The following OR6J1 variants were observed in gnomAD, a reference collection of about 807,000 sequenced individuals.
The protein encoded by OR6J1 is olfactory receptor family 6 subfamily J member 1, also known as olfactory receptor 6J1.
For synonymous variants in OR6J1, 109 were observed against 70.0 expected (o/e 1.56, Z -2.78); for missense variants, 304 against 166.8 (o/e 1.82, Z -4.53).
intron 1 of OR6J1, among the ~76,000 whole-genome samples, chr14:22,641,784 A>T (rs1316469922): frequency 6.6e-6 from 1 of 152,206 alleles, no homozygotes; most frequent in Non-Finnish European, 1.5e-5. Flanking sequence ...AAAATCACAG[A>T]AACAGAGGAA....
At chr14:22,639,177 A>G (rs1203422236) in intron 1 of OR6J1, among the ~76,000 whole-genome samples, 8 of 99,592 alleles carry the variant, frequency 8.0e-5, no homozygotes, top group South Asian at 3.1e-4. Context: ...CAGCCACCCC[A>G]TCTGGGAAGT....
chr14:22,638,739 T>C (rs2037616501), intron 1 of OR6J1, among the ~76,000 whole-genome samples: 1 of 151,322 alleles, frequency 6.6e-6, no homozygotes, highest in South Asian at 2.1e-4. Context: ...GAAGCAAAAA[T>C]ATGACAATAA....
intron 1 of OR6J1, among the ~76,000 whole-genome samples, chr14:22,636,289 T>C (rs1451960453): frequency 0.12 from 2 of 16 alleles, no homozygotes; most frequent in Non-Finnish European, 0.12. Flanking sequence ...TCCCTCTCCC[T>C]CTCCCTCTCC....
intron 1 of OR6J1, among the ~76,000 whole-genome samples, chr14:22,638,671 AAAATAAAAAAAATT>A (rs2037615511): frequency 7.0e-6 from 1 of 143,038 alleles, no homozygotes; most frequent in African/African-American, 2.8e-5. Context: ...AAATAAAAAA[AAAATAAAAAAAATT>A]AAGACACTAG....
chr14:22,641,370 G>A (rs1300578594), intron 1 of OR6J1, among the ~76,000 whole-genome samples: 2 of 97,652 alleles, frequency 2.0e-5, no homozygotes, highest in Admixed American at 1.0e-4. Context: ...AGAAAGGGGG[G>A]AGAGAAGAAA....
Position 22,633,569 on chromosome 14 carries a change from GATC to G in OR6J1, c.*196_*198del, listed in dbSNP as rs2037561521. On this transcript the variant is annotated 3_prime_UTR_variant, in exon 2 of 2. Coordinates refer to ENST00000540461, the MANE Select transcript of OR6J1 (RefSeq NM_001348233.2). Reference sequence around the variant, plus strand: ...ATATTCAGTGTGGATGGGGCTTAGAGATCATCAAGTCCAGCCCTGTTGCACTTC... The same window carrying G: ...ATATTCAGTGTGGATGGGGCTTAGAGATCAAGTCCAGCCCTGTTGCACTTC... 5.3e-6 allele frequency: 3 copies of G among 564,452 alleles called. No homozygotes were observed. Among genetic ancestry groups the G allele is most frequent in the Non-Finnish European group, 9.4e-6 (3 of 320,338 alleles). The allele number at this position is 564,452 out of a possible 1,614,324, so 35.0% of individuals were successfully genotyped here.
intron 1 of OR6J1, among the ~76,000 whole-genome samples, chr14:22,643,194 C>T (rs746005006): frequency 1.3e-5 from 2 of 152,016 alleles, no homozygotes; most frequent in Admixed American, 6.6e-5. Context: ...TCTCGAACTC[C>T]TGACTTCAAG....
rs958114833 is a variant in OR6J1, at chr14:22,633,600, C to G, written c.*168G>C. The stretch of plus-strand genomic sequence containing the variant: ...CAAGTCCAGCCCTGTTGCACTTCAG[C>G]TGAGAGTACTGAGAGTCAGAATGGC... On this transcript the variant is annotated 3_prime_UTR_variant, in exon 2 of 2. Coordinates refer to ENST00000540461, the MANE Select transcript of OR6J1 (RefSeq NM_001348233.2). 3.1e-5 allele frequency: 18 copies of G among 586,898 alleles called. No homozygotes were observed. The African/African-American group carries it at 3.4e-4, about 11-fold the overall frequency. The allele number at this position is 586,898 out of a possible 1,614,324, so 36.4% of individuals were successfully genotyped here. A position where few individuals can be genotyped will look rare whatever the true frequency, so the allele number is the denominator to read the frequency against.
At chr14:22,638,722 T>C (rs2037616346) in intron 1 of OR6J1, among the ~76,000 whole-genome samples, 1 of 152,122 alleles carries the variant, frequency 6.6e-6, no homozygotes, top group Admixed American at 6.5e-5. Context: ...ACCCACTATA[T>C]TGTCAAGAAG....
chr14:22,637,602 G>T (rs1238490434), intron 1 of OR6J1, among the ~76,000 whole-genome samples: 1 of 53,962 alleles, frequency 1.9e-5, no homozygotes, highest in African/African-American at 1.1e-4. Flanking sequence ...TCAGCCCCCC[G>T]CCTGGCCAGC....
chr14:22,641,520 GAAGAAAGAAGGA>G (rs1471503665), intron 1 of OR6J1, among the ~76,000 whole-genome samples: 13 of 96,858 alleles, frequency 1.3e-4, no homozygotes, highest in East Asian at 3.6e-4. Context: ...AGGAGGGAGG[GAAGAAAGAAGGA>G]AAGAAAGAAG....
chr14:22,643,764 C>CAGAGAGAGAGAGAGAGAGAGAG (rs1233027589), intron 1 of OR6J1, among the ~76,000 whole-genome samples: 1 of 37,650 alleles, frequency 2.7e-5, no homozygotes, highest in Admixed American at 5.9e-4. Context: ...CACACACACA[C>CAGAGAGAGAGAGAGAGAGAGAG]AGAGAGAGAG....
chr14:22,634,300 T>C lies in OR6J1; in HGVS notation c.512A>G (p.Asn171Ser), dbSNP rs530249987. The C allele has an allele frequency of 5.1e-5, 36 of 703,190 alleles. No individual in the cohort carries two copies. Among genetic ancestry groups the C allele is most frequent in the Middle Eastern group, 2.3e-4 (1 of 4,368 alleles). The allele number at this position is 703,190 out of a possible 1,614,324, so 43.6% of individuals were successfully genotyped here. The part of the protein sequence containing the change: ...LISQLPFCGS[N>S]IINHFFCDSG... ...GTCACAGAAGAAGTGGTTAATGATA[T>C]TGGAGCCACAGAAGGGCAGCTGGGA... The change falls in exon 2 of 2, where the codon AAT becomes AGT. Residue 171 changes from asparagine (N) to serine (S), a missense_variant. Asn to Ser is a conservative substitution (Grantham distance 46, BLOSUM62 1). Transcript: ENST00000540461.
At chr14:22,643,762 CACAGAGAGAG>C (rs1476029952) in intron 1 of OR6J1, among the ~76,000 whole-genome samples, 15 of 53,066 alleles carry the variant, frequency 2.8e-4, no homozygotes, top group Admixed American at 1.2e-3. Context: ...CACACACACA[CACAGAGAGAG>C]AGAGAGAGAG....
At chr14:22,637,787 C>T (rs1322265249) in intron 1 of OR6J1, among the ~76,000 whole-genome samples, 227 of 51,888 alleles carry the variant, frequency 4.4e-3, no homozygotes, top group East Asian at 7.6e-3. Context: ...TGAGGGGCGC[C>T]TCTGCCCGGC....
intron 1 of OR6J1, 66 bp downstream of exon 1, chr14:22,644,032 G>C (rs1042268615): frequency 6.6e-5 from 10 of 152,274 alleles, no homozygotes; most frequent in African/African-American, 2.4e-4. Flanking sequence ...ATACACACCT[G>C]AGATTATAAC....
At chr14:22,641,210 T>TA (rs1163938326) in intron 1 of OR6J1, among the ~76,000 whole-genome samples, 5,496 of 122,384 alleles carry the variant, frequency 0.045, 519 homozygotes, top group African/African-American at 0.064. Context: ...GAGAGAAAGA[T>TA]AAGAAAGAAA....
rs2037559090 is a variant in OR6J1 at position 22,633,274 on chromosome 14, T to C, written c.*494A>G. 1 of 156,248 alleles carries C rather than the reference T, an allele frequency of 6.4e-6. No individual in the cohort carries two copies. Among genetic ancestry groups the C allele is most frequent in the Admixed American group, 6.1e-5 (1 of 16,464 alleles). The allele number at this position is 156,248 out of a possible 1,614,324, so 9.7% of individuals were successfully genotyped here. A position where few individuals can be genotyped will look rare whatever the true frequency, so the allele number is the denominator to read the frequency against. On this transcript the variant is annotated 3_prime_UTR_variant, in exon 2 of 2. Coordinates refer to ENST00000540461, the MANE Select transcript of OR6J1 (RefSeq NM_001348233.2). The stretch of plus-strand genomic sequence containing the variant: ...ACATGTTCTATTACAGAAAGCAATA[T>C]TATTAAATAACACAGATGACATGCA...
At chr14:22,638,852 G>T (rs1312307773) in intron 1 of OR6J1, among the ~76,000 whole-genome samples, 1 of 137,046 alleles carries the variant, frequency 7.3e-6, no homozygotes, top group Non-Finnish European at 1.6e-5. Flanking sequence ...GTCTCCGCCC[G>T]GCCGCCATCC....
Sources: gnomAD v4.1 joint callset for allele counts (sites outside exome capture counted in the v4.1 genomes callset) on GRCh38, gnomAD v4.1.1 for gene constraint, MANE v1.5 for transcripts, NCBI Gene and HGNC (gene_info 2026-07-23, HGNC 2026-07-21) for gene names.